VPS41: variants seen among roughly 807,000 people sequenced by gnomAD.
VPS41 encodes VPS41 subunit of HOPS complex, also known as vacuolar protein sorting-associated protein 41 homolog.
A neutral mutation model predicts 130.9 loss-of-function variants in VPS41; 85 were observed. The ratio of observed to expected loss-of-function variants is 0.65; its 90% CI spans 0.55 to 0.78. The LOEUF is 0.78. Among genes scored for constraint, VPS41 ranks in the 30% least tolerant of loss-of-function variants. The probability of loss-of-function intolerance (pLI) is 0.00; values close to 1 mark genes in which losing one functional copy is unlikely to be tolerated. For missense variants in VPS41, 874 were observed against 1,018.7 expected (o/e 0.86, Z 1.93); for synonymous variants, 335 against 332.9 (o/e 1.01, Z -0.07).
intron 2 of VPS41, among the ~76,000 whole-genome samples, chr7:38,874,130 T>C (rs1114385): frequency 0.32 from 48,732 of 152,114 alleles, 8,333 homozygotes; most frequent in Admixed American, 0.5. Context: ...TTTTTCATCT[T>C]GTTTAAACAT....
chr7:38,776,624 G>T, intron 11 of VPS41, 55 bp downstream of exon 11: 1 of 954,196 alleles, frequency 1.0e-6, no homozygotes, highest in Non-Finnish European at 1.7e-6. Context: ...TGATCTGGGT[G>T]TAATGCTAAA....
intron 10 of VPS41, among the ~76,000 whole-genome samples, chr7:38,781,361 G>A (rs999472971): frequency 1.3e-5 from 2 of 152,178 alleles, no homozygotes; most frequent in Admixed American, 1.3e-4. Context: ...ATTTGACAGT[G>A]CAGGTCTAGA....
intron 4 of VPS41, among the ~76,000 whole-genome samples, chr7:38,857,453 A>T (rs540419423): frequency 6.6e-6 from 1 of 152,362 alleles, no homozygotes; most frequent in South Asian, 2.1e-4. Context: ...TCTCACTAGC[A>T]CACTTAAAGG....
chr7:38,828,326 A>C (rs1442735493), intron 5 of VPS41, among the ~76,000 whole-genome samples: 1 of 152,208 alleles, frequency 6.6e-6, no homozygotes, highest in Non-Finnish European at 1.5e-5. Context: ...AAAAGATTGA[A>C]AATGAGCACC....
intron 10 of VPS41, among the ~76,000 whole-genome samples, chr7:38,786,354 T>G (rs201306693): frequency 6.6e-6 from 1 of 152,234 alleles, no homozygotes. Flanking sequence ...TATTCAGCAC[T>G]GTGCTTGGTG....
chr7:38,758,524 G>A (rs1452229319), intron 17 of VPS41, 43 bp from the exon 18 acceptor site: 2 of 1,580,058 alleles, frequency 1.3e-6, no homozygotes, highest in African/African-American at 2.7e-5. Context: ...TCATTCAACA[G>A]AATAATAGTT....
intron 2 of VPS41, among the ~76,000 whole-genome samples, chr7:38,890,979 T>C (rs1343521472): frequency 6.6e-6 from 1 of 151,548 alleles, no homozygotes; most frequent in Non-Finnish European, 1.5e-5. Context: ...CATGTGAATA[T>C]ACGGTTATTT....
intron 4 of VPS41, among the ~76,000 whole-genome samples, chr7:38,839,683 G>A (rs542733783): frequency 2.8e-4 from 42 of 151,996 alleles, no homozygotes; most frequent in Middle Eastern, 3.4e-3. Flanking sequence ...CTCCCGCCTC[G>A]GCCTCCCAAA....
At chr7:38,736,772 T>C (rs144613037) in intron 25 of VPS41, among the ~76,000 whole-genome samples, 288 of 152,344 alleles carry the variant, frequency 1.9e-3, no homozygotes, top group African/African-American at 6.7e-3. Context: ...ATCATAATTG[T>C]AAAACTGAAA....
intron 7 of VPS41, among the ~76,000 whole-genome samples, chr7:38,813,560 A>T (rs1439871794): frequency 6.6e-6 from 1 of 152,130 alleles, no homozygotes; most frequent in Non-Finnish European, 1.5e-5. Flanking sequence ...TAAAACAGCT[A>T]AAAAAATAAT....
At chr7:38,882,919 C>T (rs114938163) in intron 2 of VPS41, among the ~76,000 whole-genome samples, 1 of 152,158 alleles carries the variant, frequency 6.6e-6, no homozygotes, top group Admixed American at 6.5e-5. Flanking sequence ...AAAACAAAGA[C>T]TCTCCAATGC....
intron 4 of VPS41, among the ~76,000 whole-genome samples, chr7:38,832,183 C>G (rs1251401504): frequency 2.0e-5 from 3 of 151,798 alleles, no homozygotes; most frequent in Non-Finnish European, 4.4e-5. Flanking sequence ...TCTATAAGAG[C>G]TCTTTTCTAT....
chr7:38,811,306 C>T (rs1784938360), intron 7 of VPS41, among the ~76,000 whole-genome samples: 1 of 152,046 alleles, frequency 6.6e-6, no homozygotes, highest in Admixed American at 6.5e-5. Context: ...CTGCAAACCA[C>T]ACCAAGCTGA....
chr7:38,788,071 A>G (rs111734987), intron 10 of VPS41, among the ~76,000 whole-genome samples: 33 of 152,298 alleles, frequency 2.2e-4, no homozygotes, highest in African/African-American at 7.9e-4. Flanking sequence ...AGTGATAATA[A>G]CCATCATGGT....
chr7:38,738,456 C>A (rs749630595), intron 25 of VPS41, among the ~76,000 whole-genome samples: 2 of 151,966 alleles, frequency 1.3e-5, no homozygotes, highest in South Asian at 4.2e-4. Context: ...CAAATAAAAC[C>A]GTCAAAAGAA....
intron 2 of VPS41, among the ~76,000 whole-genome samples, chr7:38,872,343 A>G (rs1786384817): frequency 6.6e-6 from 1 of 152,238 alleles, no homozygotes. Context: ...CAGATGGAAC[A>G]CTGTCATTTC....
At chr7:38,751,780 T>C (rs1261828570) in intron 22 of VPS41, among the ~76,000 whole-genome samples, 1 of 152,206 alleles carries the variant, frequency 6.6e-6, no homozygotes, top group Non-Finnish European at 1.5e-5. Context: ...TCAAACCTGA[T>C]TCCTGACTGG....
At chr7:38,754,654 A>C (rs1282403269) in intron 21 of VPS41, 48 bp downstream of exon 21, 21 of 1,502,792 alleles carry the variant, frequency 1.4e-5, no homozygotes, top group Non-Finnish European at 1.9e-5. Context: ...AAGGTGATTC[A>C]CCCACTGGTC....
At chr7:38,842,466 C>A (rs1043316648) in intron 4 of VPS41, among the ~76,000 whole-genome samples, 3 of 152,132 alleles carry the variant, frequency 2.0e-5, no homozygotes, top group Admixed American at 1.3e-4. Context: ...CCCAGTTTGC[C>A]CTTGTGTCTA....
Sources: gnomAD v4.1 joint callset for allele counts (sites outside exome capture counted in the v4.1 genomes callset) on GRCh38, gnomAD v4.1.1 for gene constraint, MANE v1.5 for transcripts, NCBI Gene and HGNC (gene_info 2026-07-23, HGNC 2026-07-21) for gene names.